Variants in GALNTL5 observed in about 807,000 individuals in gnomAD.
GALNTL5 encodes the protein polypeptide N-acetylgalactosaminyltransferase like 5.
GALNTL5 carries 44 observed loss-of-function variants against 51.0 expected under a neutral mutation model. That is an observed-to-expected ratio of 0.86 (90% CI 0.68 to 1.11). The LOEUF (loss-of-function observed/expected upper bound fraction) is 1.11. Among genes scored for constraint, GALNTL5 ranks in the 50% least tolerant of loss-of-function variants. The pLI, the probability that GALNTL5 is intolerant of heterozygous loss-of-function variation, is 0.00. For missense variants in GALNTL5, 528 were observed against 531.8 expected (o/e 0.99, Z 0.07); for synonymous variants, 192 against 182.8 (o/e 1.05, Z -0.41).
intron 6 of GALNTL5, among the ~76,000 whole-genome samples, chr7:152,004,026 T>C (rs1482452810): frequency 1.3e-5 from 2 of 152,090 alleles, no homozygotes; most frequent in Non-Finnish European, 2.9e-5. Flanking sequence ...TATTCTTTGA[T>C]GCAGTAATCC....
At chr7:152,011,236 T>G (rs1180413649) in intron 7 of GALNTL5, among the ~76,000 whole-genome samples, 1 of 152,246 alleles carries the variant, frequency 6.6e-6, no homozygotes, top group Non-Finnish European at 1.5e-5. Context: ...ATTGGAAGCC[T>G]CCAATGCTCT....
chr7:152,002,251 G>C (rs550012072), intron 5 of GALNTL5, among the ~76,000 whole-genome samples: 1 of 151,852 alleles, frequency 6.6e-6, no homozygotes, highest in East Asian at 1.9e-4. Flanking sequence ...CTGCACTCCA[G>C]CCTGGGTGAT....
intron 7 of GALNTL5, among the ~76,000 whole-genome samples, chr7:152,013,783 T>A (rs1009567105): frequency 6.6e-6 from 1 of 152,150 alleles, no homozygotes; most frequent in Admixed American, 6.6e-5. Flanking sequence ...TCTACGTGAG[T>A]TTACATATAT....
At chr7:151,957,568 A>G (rs1484936832) in intron 1 of GALNTL5, among the ~76,000 whole-genome samples, 2 of 91,696 alleles carry the variant, frequency 2.2e-5, no homozygotes, top group Non-Finnish European at 4.0e-5. Flanking sequence ...AAAGAAAAGA[A>G]AAAAAAAAAG....
At chr7:152,002,016 G>T (rs575939663) in intron 5 of GALNTL5, among the ~76,000 whole-genome samples, 1 of 152,168 alleles carries the variant, frequency 6.6e-6, no homozygotes, top group Non-Finnish European at 1.5e-5. Context: ...AAGCAGAATA[G>T]GTCCCCACTG....
intron 4 of GALNTL5, among the ~76,000 whole-genome samples, chr7:151,984,426 A>C (rs746845118): frequency 3.9e-5 from 6 of 152,200 alleles, no homozygotes; most frequent in African/African-American, 7.2e-5. Context: ...CAAAAAGATG[A>C]GGAGAAGCAG....
chr7:151,965,439 C>T (rs1194815300), intron 1 of GALNTL5, among the ~76,000 whole-genome samples: 1 of 152,164 alleles, frequency 6.6e-6, no homozygotes, highest in African/African-American at 2.4e-5. Flanking sequence ...AGACTTTCTT[C>T]TTTCTTTTTA....
At chr7:152,003,477 T>C (rs1345568467) in intron 6 of GALNTL5, among the ~76,000 whole-genome samples, 1 of 152,244 alleles carries the variant, frequency 6.6e-6, no homozygotes, top group African/African-American at 2.4e-5. Flanking sequence ...GTCGTCCTCA[T>C]CTGTTAAACA....
intron 8 of GALNTL5, among the ~76,000 whole-genome samples, chr7:152,018,128 G>A (rs544233077): frequency 6.6e-6 from 1 of 152,352 alleles, no homozygotes; most frequent in East Asian, 1.9e-4. Context: ...ACAGGCATAA[G>A]CCACCACGCC....
intron 3 of GALNTL5, among the ~76,000 whole-genome samples, chr7:151,979,504 A>T (rs1162664603): frequency 6.8e-6 from 1 of 146,316 alleles, no homozygotes; most frequent in African/African-American, 2.5e-5. Flanking sequence ...TTGTTGCCCA[A>T]GGTAGAGTGC....
intron 3 of GALNTL5, among the ~76,000 whole-genome samples, chr7:151,981,579 TTCCTTCCTTCCCTCCTTCCTTCCTTCCC>T (rs1252334803): frequency 0.037 from 1,474 of 39,544 alleles, 42 homozygotes; most frequent in African/African-American, 0.12. Context: ...CCTTCCTTCC[TTCCTTCCTTCCCTCCTTCCTTCCTTCCC>T]TCCTTCCTTC....
intron 1 of GALNTL5, among the ~76,000 whole-genome samples, chr7:151,966,525 T>C (rs1350032130): frequency 6.6e-6 from 1 of 152,170 alleles, no homozygotes; most frequent in Non-Finnish European, 1.5e-5. Context: ...TGCCTCGGCC[T>C]CCCAAAATAC....
intron 6 of GALNTL5, among the ~76,000 whole-genome samples, chr7:152,005,966 G>A (rs1217008567): frequency 1.3e-5 from 2 of 152,188 alleles, no homozygotes; most frequent in East Asian, 3.9e-4. Flanking sequence ...GTCATGGATA[G>A]GATGGATGAG....
chr7:152,002,395 G>T (rs1311633316), intron 5 of GALNTL5, among the ~76,000 whole-genome samples: 1 of 151,986 alleles, frequency 6.6e-6, no homozygotes, highest in Admixed American at 6.6e-5. Flanking sequence ...CTAAATTTAA[G>T]CTGATCAGTC....
intron 1 of GALNTL5, among the ~76,000 whole-genome samples, chr7:151,965,745 C>T (rs1040068056): frequency 6.6e-6 from 1 of 151,968 alleles, no homozygotes; most frequent in Admixed American, 6.6e-5. Flanking sequence ...TAATTAGCCA[C>T]GCGTGGTGGC....
intron 3 of GALNTL5, among the ~76,000 whole-genome samples, chr7:151,974,692 TAC>T (rs145666838): frequency 0.039 from 5,922 of 152,326 alleles, 196 homozygotes; most frequent in East Asian, 0.2. Context: ...GAATATTTAC[TAC>T]AAAGGTCACC....
intron 7 of GALNTL5, among the ~76,000 whole-genome samples, chr7:152,013,200 C>T (rs10279500): frequency 0.35 from 53,006 of 151,732 alleles, 9,623 homozygotes; most frequent in African/African-American, 0.38. Context: ...TGAGGGTGGA[C>T]TGTGGGAGGA....
At position 151,987,147 on chromosome 7, in the gene GALNTL5, A is replaced by T. The variant is rs1027826987; in HGVS notation, c.536-12A>T. The stretch of plus-strand genomic sequence containing the variant: ...CCGTTTATACATTCTCATGTGTTGA[A>T]TATTTTTCCAGATGATTTGAAAGAA... On this transcript the variant is annotated splice_polypyrimidine_tract_variant and intron_variant, in intron 4 of 8. Coordinates refer to ENST00000392800, the MANE Select transcript of GALNTL5 (RefSeq NM_145292.4). 1 of 1,585,466 alleles carries T rather than the reference A, an allele frequency of 6.3e-7. No homozygotes were observed.
rs2081684554 is a variant in GALNTL5 at position 152,008,621 on chromosome 7, T to C, written c.1026+677T>C. 2.0e-5 allele frequency among the ~76,000 whole-genome samples: 3 copies of C among 152,196 alleles called. No individual in the cohort carries two copies. The South Asian group carries it at 6.2e-4, about 32-fold the overall frequency. On this transcript the variant is annotated intron_variant, in intron 7 of 8. Coordinates refer to ENST00000392800, the MANE Select transcript of GALNTL5 (RefSeq NM_145292.4). Reference sequence around the variant, plus strand: ...CACTTTTAAAGTTCCCAAGCAGACTTCTTTCATAATGCTTCAGATACTTGA... The same window carrying C: ...CACTTTTAAAGTTCCCAAGCAGACTCCTTTCATAATGCTTCAGATACTTGA...
Sources: gnomAD v4.1 joint callset for allele counts (sites outside exome capture counted in the v4.1 genomes callset) on GRCh38, gnomAD v4.1.1 for gene constraint, MANE v1.5 for transcripts, NCBI Gene and HGNC (gene_info 2026-07-23, HGNC 2026-07-21) for gene names.